Variants in CYP3A43 observed in about 807,000 individuals in gnomAD.
CYP3A43 encodes cytochrome P450 3A43.
Under a neutral mutation model 58.0 loss-of-function variants are expected in CYP3A43, and 45 were observed. The observed-to-expected ratio is 0.78, with a 90% CI of 0.61 to 0.99. The LOEUF (loss-of-function observed/expected upper bound fraction) is 0.99. CYP3A43 is among the 50% of genes least tolerant of loss of function. The pLI, the probability that CYP3A43 is intolerant of heterozygous loss-of-function variation, is 0.00. For missense variants in CYP3A43, 593 were observed against 591.9 expected (o/e 1.00, Z -0.02); for synonymous variants, 191 against 201.4 (o/e 0.95, Z 0.44).
chr7:99,861,904 T>C lies in CYP3A43; in HGVS notation c.1253+65T>C, dbSNP rs1379996657. 11 of 1,372,752 alleles carry C rather than the reference T, an allele frequency of 8.0e-6. No individual in the cohort carries two copies. In the Admixed American group the frequency reaches 2.2e-4, roughly 28 times the overall value. 85.0% of individuals were successfully genotyped at this position (1,372,752 alleles called of 1,614,324 possible). On this transcript the variant is annotated intron_variant, in intron 11 of 12. Coordinates refer to ENST00000354829, the MANE Select transcript of CYP3A43 (RefSeq NM_057095.3). Reference sequence around the variant, plus strand: ...CTGATTCAAGTATATTCTGCCTCTCTCGATGCACATGGCAATCATTTGAAT... The same window carrying C: ...CTGATTCAAGTATATTCTGCCTCTCCCGATGCACATGGCAATCATTTGAAT...
intron 8 of CYP3A43, 65 bp from the exon 9 acceptor site, chr7:99,856,768 C>A: frequency 6.4e-7 from 1 of 1,569,776 alleles, no homozygotes; most frequent in Non-Finnish European, 8.8e-7. Flanking sequence ...TAGGACTGGA[C>A]TCCTGATTCA....
chr7:99,833,876 G>A (rs1406039998), intron 1 of CYP3A43, among the ~76,000 whole-genome samples: 2 of 152,162 alleles, frequency 1.3e-5, no homozygotes, highest in Non-Finnish European at 2.9e-5. Flanking sequence ...GGAGGATGAG[G>A]CAAATGCCAA....
At chr7:99,839,485 T>A (rs1817244074) in intron 3 of CYP3A43, 2 of 549,280 alleles carry the variant, frequency 3.6e-6, no homozygotes, top group South Asian at 3.1e-5. Flanking sequence ...CTTCCTTTTT[T>A]CCCCAGACAG....
chr7:99,833,859 A>C (rs1816951162), intron 1 of CYP3A43, among the ~76,000 whole-genome samples: 1 of 152,212 alleles, frequency 6.6e-6, no homozygotes, highest in Non-Finnish European at 1.5e-5. Flanking sequence ...CAGGGGTAAA[A>C]GGCAAGGGAG....
chr7:99,862,836 A>G (rs1189439725), intron 11 of CYP3A43, among the ~76,000 whole-genome samples: 1 of 152,132 alleles, frequency 6.6e-6, no homozygotes, highest in Non-Finnish European at 1.5e-5. Context: ...GAATTGACCA[A>G]TTTCTCTGTT....
intron 7 of CYP3A43, chr7:99,849,955 ATTTTTTT>A (rs71515286): frequency 5.5e-6 from 2 of 362,772 alleles, no homozygotes; most frequent in Admixed American, 6.8e-5. Context: ...CTTCCTCACC[ATTTTTTT>A]TTTTTTTTTT....
chr7:99,844,720 G>A (rs1817474402), intron 4 of CYP3A43, among the ~76,000 whole-genome samples: 1 of 152,024 alleles, frequency 6.6e-6, no homozygotes, highest in Admixed American at 6.6e-5. Context: ...TGCTTTTACT[G>A]TAAGTCTGAA....
At position 99,834,959 on chromosome 7, in the gene CYP3A43, C is replaced by G. The variant is rs138931171; in HGVS notation, c.72-1494C>G. 5.6e-3 allele frequency among the ~76,000 whole-genome samples: 851 copies of G among 152,288 alleles called. 9 individuals carry two copies. Among genetic ancestry groups the G allele is most frequent in the African/African-American group, 0.02 (819 of 41,560 alleles). On this transcript the variant is annotated intron_variant, in intron 1 of 12. Transcript: ENST00000354829. ...CATGAGGAAATTCCTAAGCTGCCAG[C>G]TATGTTTTCAGCTAGTTGAGCAAAT...
intron 2 of CYP3A43, 83 bp downstream of exon 2, chr7:99,836,629 A>G (rs1336902873): frequency 2.0e-6 from 2 of 1,018,744 alleles, no homozygotes; most frequent in Non-Finnish European, 2.9e-6. Context: ...GCTCCTCCTC[A>G]GGAGGAATTT....
intron 3 of CYP3A43, among the ~76,000 whole-genome samples, chr7:99,843,555 TC>T (rs1817425689): frequency 6.6e-6 from 1 of 152,088 alleles, no homozygotes; most frequent in African/African-American, 2.4e-5. Context: ...AACCTCCACC[TC>T]CCGGGTTCAA....
chr7:99,841,644 G>A (rs140416319), intron 3 of CYP3A43, among the ~76,000 whole-genome samples: 4,136 of 152,110 alleles, frequency 0.027, 187 homozygotes, highest in African/African-American at 0.094. Context: ...TGATCTGCCC[G>A]CCTTGGCCTC....
rs1818001500 is a variant in CYP3A43, at chr7:99,856,866, T to G, written c.832T>G (p.Ser278Ala). ...RVDFFQQMIDSQNSKETKSHK... is the reference protein window; with the variant it reads ...RVDFFQQMIDAQNSKETKSHK... Reference sequence around the variant, plus strand: ...AGATTTCTTTCAACAGATGATCGACTCCCAGAATTCCAAAGAAACAAAGTC... The same window carrying G: ...AGATTTCTTTCAACAGATGATCGACGCCCAGAATTCCAAAGAAACAAAGTC... The change falls in exon 9 of 13, where the codon TCC becomes GCC. Residue 278 changes from serine to alanine, a missense_variant. Coordinates refer to ENST00000354829, the MANE Select transcript of CYP3A43 (RefSeq NM_057095.3). 3 of 1,613,950 alleles carry G rather than the reference T, an allele frequency of 1.9e-6. No individual in the cohort carries two copies. In the African/African-American group the frequency reaches 4.0e-5, roughly 22 times the overall value.
In CYP3A43 at chr7:99,855,687, T is replaced by C. The variant is rs753505896; in HGVS notation, c.767T>C (p.Met256Thr). The C allele has an allele frequency of 3.1e-6, 5 of 1,612,568 alleles. No homozygotes were observed. The South Asian group carries it at 5.5e-5, about 18-fold the overall frequency. The part of the protein sequence containing the change: ...THFLKNSIER[M>T]KESRLKDKQK... ...TTTTTAAAAAATTCCATTGAAAGGA[T>C]GAAAGAAAGTCGCCTCAAAGATAAA... The change falls in exon 8 of 13, where the codon ATG becomes ACG. Residue 256 changes from methionine to threonine, a missense_variant. By Grantham distance (81) the Met-to-Thr change is moderately conservative. Transcript: ENST00000354829.
intron 3 of CYP3A43, among the ~76,000 whole-genome samples, chr7:99,841,892 A>G (rs1270247216): frequency 6.6e-6 from 1 of 152,150 alleles, no homozygotes; most frequent in African/African-American, 2.4e-5. Flanking sequence ...GATCTGACAC[A>G]TACTCTGAGG....
intron 7 of CYP3A43, among the ~76,000 whole-genome samples, chr7:99,853,518 AAG>A (rs1817841063): frequency 6.6e-6 from 1 of 152,162 alleles, no homozygotes; most frequent in Non-Finnish European, 1.5e-5. Flanking sequence ...ATGTAGCTAA[AAG>A]TTTGCCAATT....
rs772094327 is a variant in CYP3A43, at chr7:99,855,633, T to C, written c.713T>C (p.Ile238Thr). 18 of 1,613,516 alleles carry C rather than the reference T, an allele frequency of 1.1e-5. No homozygotes were observed. In the East Asian group the frequency reaches 3.6e-4, roughly 32 times the overall value. The change falls in exon 8 of 13, where the codon ATC becomes ACC. Residue 238 changes from isoleucine to threonine, a missense_variant. Transcript: ENST00000354829. ...ACCCCAGTTTTTGAAGCCCTAAATA[T>C]CGGTTTGTTTCCAAAAGATGTTACC... ...FLTPVFEALN[I>T]GLFPKDVTHF...
chr7:99,836,403 A>T, intron 1 of CYP3A43, 50 bp from the exon 2 acceptor site: 1 of 1,492,116 alleles, frequency 6.7e-7, no homozygotes, highest in Non-Finnish European at 9.3e-7. Flanking sequence ...CCAACCCCTT[A>T]TCTATAAAGT....
intron 1 of CYP3A43, 121 bp downstream of exon 1, chr7:99,828,307 C>A: frequency 1.5e-6 from 1 of 661,816 alleles, no homozygotes. Flanking sequence ...TACCTAAGTG[C>A]CAAATACTGT....
In CYP3A43 at chr7:99,856,885, C is replaced by T. The variant is rs1275318298; in HGVS notation, c.851C>T (p.Thr284Ile). The change falls in exon 9 of 13, where the codon ACA becomes ATA. Residue 284 changes from threonine to isoleucine, a missense_variant. Thr to Ile is a moderately conservative substitution (Grantham distance 89, BLOSUM62 -1). Coordinates refer to ENST00000354829, the MANE Select transcript of CYP3A43 (RefSeq NM_057095.3). ...QMIDSQNSKE[T>I]KSHKALSDLE... ...ATCGACTCCCAGAATTCCAAAGAAACAAAGTCCCATAAAGGTAACCAAGAA... is the reference window on the plus strand; with the variant it reads ...ATCGACTCCCAGAATTCCAAAGAAATAAAGTCCCATAAAGGTAACCAAGAA... The T allele has an allele frequency of 6.2e-7, 1 of 1,613,916 alleles. No individual in the cohort carries two copies. The highest frequency in any genetic ancestry group is 8.5e-7 in the Non-Finnish European group (1 of 1,179,912).
Sources: gnomAD v4.1 joint callset for allele counts (sites outside exome capture counted in the v4.1 genomes callset) on GRCh38, gnomAD v4.1.1 for gene constraint, MANE v1.5 for transcripts, NCBI Gene and HGNC (gene_info 2026-07-23, HGNC 2026-07-21) for gene names.